Variants in OSBPL1A observed in about 807,000 individuals in gnomAD.
OSBPL1A encodes the protein oxysterol-binding protein-related protein 1.
In OSBPL1A, 80 loss-of-function variants were observed where a neutral mutation model predicts 137.1. That is an observed-to-expected ratio of 0.58 (90% CI 0.49 to 0.70). The LOEUF is 0.70. Among genes scored for constraint, OSBPL1A ranks in the 30% least tolerant of loss-of-function variants. The pLI is 0.00. For missense variants in OSBPL1A, 970 were observed against 1,129.4 expected, an observed-to-expected ratio of 0.86 and a Z score of 2.02; for synonymous variants, 365 against 389.7, an observed-to-expected ratio of 0.94 and a Z score of 0.75.
At chr18:24,307,587 T>G (rs1261738979) in intron 13 of OSBPL1A, among the ~76,000 whole-genome samples, 1 of 152,050 alleles carries the variant, frequency 6.6e-6, no homozygotes, top group Non-Finnish European at 1.5e-5. Flanking sequence ...TACATCCCTG[T>G]TTTTTTTCCT....
At chr18:24,245,953 T>C (rs1210488910) in intron 15 of OSBPL1A, among the ~76,000 whole-genome samples, 1 of 152,136 alleles carries the variant, frequency 6.6e-6, no homozygotes, top group Non-Finnish European at 1.5e-5. Flanking sequence ...CTCACATCTG[T>C]AATCCCAGCA....
At chr18:24,239,162 C>T (rs1264170658) in intron 16 of OSBPL1A, 58 bp downstream of exon 16, 1 of 1,580,736 alleles carries the variant, frequency 6.3e-7, no homozygotes, top group Non-Finnish European at 8.6e-7. Flanking sequence ...GGACATTGCT[C>T]ATTTAGGTGG....
intron 14 of OSBPL1A, among the ~76,000 whole-genome samples, chr18:24,289,269 G>A (rs1327718382): frequency 6.6e-6 from 1 of 152,094 alleles, no homozygotes; most frequent in Non-Finnish European, 1.5e-5. Flanking sequence ...CCAAGCTAAT[G>A]TAATTGTCCT....
chr18:24,249,651 A>G (rs977303531), intron 15 of OSBPL1A, among the ~76,000 whole-genome samples: 2 of 152,172 alleles, frequency 1.3e-5, no homozygotes, highest in Non-Finnish European at 2.9e-5. Context: ...CTCCCCTGTC[A>G]TAGTGGCGAG....
intron 14 of OSBPL1A, among the ~76,000 whole-genome samples, chr18:24,283,980 A>G (rs917673243): frequency 6.6e-6 from 1 of 152,186 alleles, no homozygotes; most frequent in African/African-American, 2.4e-5. Context: ...ATATATATAA[A>G]GAAGTTTTCA....
At chr18:24,167,182 AG>A in intron 25 of OSBPL1A, 146 bp downstream of exon 25, 1 of 696,932 alleles carries the variant, frequency 1.4e-6, no homozygotes, top group South Asian at 1.7e-5. Context: ...AGCTCAGGCA[AG>A]AAGGGAGCAC....
chr18:24,311,907 A>T, intron 13 of OSBPL1A, 77 bp downstream of exon 13: 1 of 1,516,992 alleles, frequency 6.6e-7, no homozygotes, highest in South Asian at 1.2e-5. Context: ...AAAACCTTAC[A>T]TCTTAAAGAA....
chr18:24,195,587 ACTGACATCAGGGTGGTGGTGTT>A, intron 18 of OSBPL1A, among the ~76,000 whole-genome samples: 1 of 152,166 alleles, frequency 6.6e-6, no homozygotes, highest in Non-Finnish European at 1.5e-5. Context: ...TCCTAGCCTG[ACTGACATCAGGGTGGTGGTGTT>A]GACTACTACC....
At chr18:24,296,734 A>G (rs1257809389) in intron 14 of OSBPL1A, among the ~76,000 whole-genome samples, 1 of 152,168 alleles carries the variant, frequency 6.6e-6, no homozygotes, top group African/African-American at 2.4e-5. Flanking sequence ...ATTTTATCAA[A>G]TGCTTTTTCT....
chr18:24,224,907 G>T, intron 17 of OSBPL1A, 135 bp downstream of exon 17: 1 of 1,145,706 alleles, frequency 8.7e-7, no homozygotes, highest in Non-Finnish European at 1.2e-6. Context: ...TAAGTTAAAT[G>T]CTTTCTTTGA....
chr18:24,360,012 G>C (rs1203398609), intron 4 of OSBPL1A, among the ~76,000 whole-genome samples: 1 of 152,168 alleles, frequency 6.6e-6, no homozygotes, highest in Non-Finnish European at 1.5e-5. Context: ...TGGTCACCCA[G>C]GCTGGAGTGC....
intron 21 of OSBPL1A, among the ~76,000 whole-genome samples, chr18:24,175,881 T>C (rs1192947027): frequency 6.6e-6 from 1 of 152,246 alleles, no homozygotes; most frequent in African/African-American, 2.4e-5. Context: ...GCACAGATGG[T>C]TGTCTGTGGA....
chr18:24,288,980 C>A (rs1175350288), intron 14 of OSBPL1A, among the ~76,000 whole-genome samples: 1 of 151,916 alleles, frequency 6.6e-6, no homozygotes, highest in Non-Finnish European at 1.5e-5. Flanking sequence ...CTGGTTAGTA[C>A]TTGAATGGGA....
At chr18:24,380,724 GGTCT>G in intron 1 of OSBPL1A, among the ~76,000 whole-genome samples, 1 of 152,174 alleles carries the variant, frequency 6.6e-6, no homozygotes, top group Admixed American at 6.5e-5. Flanking sequence ...GACTGAGGCG[GGTCT>G]ATCACCTGAG....
chr18:24,274,856 C>A (rs183669602), intron 15 of OSBPL1A, among the ~76,000 whole-genome samples: 2 of 151,834 alleles, frequency 1.3e-5, no homozygotes, highest in Admixed American at 1.3e-4. Context: ...TTGCAGTGAG[C>A]CAAGATGGCA....
At chr18:24,194,802 A>G (rs1181662723) in intron 18 of OSBPL1A, among the ~76,000 whole-genome samples, 1 of 152,226 alleles carries the variant, frequency 6.6e-6, no homozygotes, top group Non-Finnish European at 1.5e-5. Flanking sequence ...AGGAACTGCA[A>G]CTTGCTTGGG....
At chr18:24,201,550 G>T (rs2087220468) in intron 17 of OSBPL1A, among the ~76,000 whole-genome samples, 1 of 152,120 alleles carries the variant, frequency 6.6e-6, no homozygotes, top group African/African-American at 2.4e-5. Flanking sequence ...ATCACTTGAG[G>T]TCAGGAGTTT....
At chr18:24,373,272 G>C (rs1053382678) in intron 2 of OSBPL1A, among the ~76,000 whole-genome samples, 1 of 152,060 alleles carries the variant, frequency 6.6e-6, no homozygotes, top group African/African-American at 2.4e-5. Context: ...GGTATTACTG[G>C]GGAATATTCG....
intron 15 of OSBPL1A, among the ~76,000 whole-genome samples, chr18:24,265,581 C>A (rs2089550183): frequency 6.6e-6 from 1 of 152,224 alleles, no homozygotes; most frequent in Non-Finnish European, 1.5e-5. Context: ...CAACAAAAAT[C>A]TCCCTCACAG....
Sources: allele counts gnomAD v4.1 joint callset (sites outside exome capture counted in the v4.1 genomes callset), GRCh38; gene constraint gnomAD v4.1.1; transcripts MANE v1.5; gene names NCBI Gene and HGNC (gene_info 2026-07-23, HGNC 2026-07-21).